KLRG2: variants seen among roughly 807,000 people sequenced by gnomAD.
The protein encoded by KLRG2 is killer cell lectin like receptor G2.
A neutral mutation model predicts 35.4 loss-of-function variants in KLRG2; 39 were observed. The ratio of observed to expected loss-of-function variants is 1.10; its 90% CI spans 0.85 to 1.44. The LOEUF (loss-of-function observed/expected upper bound fraction) is 1.44, where lower values mean the gene tolerates loss of function less well. Among genes scored for constraint, KLRG2 ranks in the 40% most tolerant of loss-of-function variants. The pLI, the probability that KLRG2 is intolerant of heterozygous loss-of-function variation, is 0.00. For missense variants in KLRG2, 632 were observed against 570.9 expected, an observed-to-expected ratio of 1.11 and a Z score of -1.09; for synonymous variants, 283 against 265.8, an observed-to-expected ratio of 1.06 and a Z score of -0.63.
chr7:139,432,690 C>T, the KLRG2 span, among the ~76,000 whole-genome samples: 5 of 152,134 alleles, frequency 3.3e-5, no homozygotes, highest in East Asian at 9.7e-4. Flanking sequence ...GTCTCTCATA[C>T]AAAATGGTGT....
the KLRG2 span, among the ~76,000 whole-genome samples, chr7:139,444,615 T>G: frequency 6.0e-4 from 92 of 152,276 alleles, 1 homozygote; most frequent in South Asian, 0.018. Flanking sequence ...AGAGCAGCCC[T>G]CACCAGGAAT....
At chr7:139,429,051 T>G in the KLRG2 span, among the ~76,000 whole-genome samples, 6 of 152,190 alleles carry the variant, frequency 3.9e-5, no homozygotes, top group Non-Finnish European at 8.8e-5. Flanking sequence ...GCGTGGTGGC[T>G]TACGCCTGTA....
the KLRG2 span, among the ~76,000 whole-genome samples, chr7:139,436,197 C>A: frequency 6.6e-6 from 1 of 152,158 alleles, no homozygotes; most frequent in Admixed American, 6.6e-5. Flanking sequence ...GCCATTGTGC[C>A]TGGCCGGGTC....
At chr7:139,438,728 T>C in the KLRG2 span, among the ~76,000 whole-genome samples, 2 of 149,938 alleles carry the variant, frequency 1.3e-5, no homozygotes, top group Non-Finnish European at 3.0e-5. Flanking sequence ...CAGGCTGGAG[T>C]GCAATGGCGT....
chr7:139,474,880 T>C (rs973937983), intron 3 of KLRG2, among the ~76,000 whole-genome samples: 5 of 152,212 alleles, frequency 3.3e-5, no homozygotes, highest in African/African-American at 1.2e-4. Context: ...GCTCCAGGCC[T>C]CAGATGCAGG....
the KLRG2 span, among the ~76,000 whole-genome samples, chr7:139,431,008 T>G: frequency 2.5e-5 from 3 of 120,524 alleles, no homozygotes; most frequent in Non-Finnish European, 3.2e-5. Context: ...TGAGACCCTG[T>G]CTCAGAAAAA....
At chr7:139,481,963 A>T (rs1217825075) in intron 1 of KLRG2, among the ~76,000 whole-genome samples, 1 of 151,932 alleles carries the variant, frequency 6.6e-6, no homozygotes, top group African/African-American at 2.4e-5. Flanking sequence ...AAAAAGAAAA[A>T]AATTGGCTAT....
chr7:139,460,133 G>C (rs921344621), intron 3 of KLRG2, among the ~76,000 whole-genome samples: 1 of 152,128 alleles, frequency 6.6e-6, no homozygotes, highest in African/African-American at 2.4e-5. Context: ...TGATCTGCCC[G>C]CCTTGGCCCC....
At chr7:139,450,200 G>A (rs1478871561), downstream of KLRG2, among the ~76,000 whole-genome samples, 4 of 151,356 alleles carry the variant, frequency 2.6e-5, no homozygotes, top group Admixed American at 6.6e-5. Flanking sequence ...CCACCACCAC[G>A]CCTGGCTAAT....
At chr7:139,473,878 T>TA (rs1796803975) in intron 3 of KLRG2, among the ~76,000 whole-genome samples, 1 of 151,926 alleles carries the variant, frequency 6.6e-6, no homozygotes, top group Non-Finnish European at 1.5e-5. Context: ...AGCAAAAATG[T>TA]AAATGAAGAA....
At chr7:139,466,645 TC>T (rs1796657876) in intron 3 of KLRG2, among the ~76,000 whole-genome samples, 1 of 152,128 alleles carries the variant, frequency 6.6e-6, no homozygotes, top group African/African-American at 2.4e-5. Flanking sequence ...AGTCACTCTC[TC>T]CTAGCCGTTT....
chr7:139,482,178 T>G (rs962146344), intron 1 of KLRG2, among the ~76,000 whole-genome samples: 11 of 152,070 alleles, frequency 7.2e-5, no homozygotes, highest in Non-Finnish European at 2.9e-5. Context: ...TGTTCCTCAG[T>G]GTGGTGGAAA....
chr7:139,455,174 A>G (rs1407970780), intron 3 of KLRG2, among the ~76,000 whole-genome samples: 2 of 151,742 alleles, frequency 1.3e-5, no homozygotes, highest in East Asian at 3.9e-4. Context: ...ATGCACCACC[A>G]CACCCAGGTA....
At chr7:139,436,502 C>T in the KLRG2 span, among the ~76,000 whole-genome samples, 1 of 152,106 alleles carries the variant, frequency 6.6e-6, no homozygotes, top group Non-Finnish European at 1.5e-5. Context: ...ACTGGCTGTT[C>T]TCTTGAACTG....
intron 3 of KLRG2, among the ~76,000 whole-genome samples, chr7:139,474,687 G>A (rs1022229460): frequency 1.3e-5 from 2 of 152,292 alleles, no homozygotes; most frequent in South Asian, 2.1e-4. Context: ...CTTGAATCCA[G>A]GAGGTGGAGG....
At chr7:139,474,830 C>G (rs115463964) in intron 3 of KLRG2, among the ~76,000 whole-genome samples, 2,668 of 152,230 alleles carry the variant, frequency 0.018, 72 homozygotes, top group African/African-American at 0.061. Flanking sequence ...GCTTATAACT[C>G]CCATAGCCCT....
rs185092631 is a variant in KLRG2 at position 139,452,849 on chromosome 7, C to G, written c.*738G>C. On this transcript the variant is annotated 3_prime_UTR_variant, in exon 5 of 5. Coordinates refer to ENST00000340940, the MANE Select transcript of KLRG2 (RefSeq NM_198508.4). ...CTGATTTCCTTTTTCACTCAGACTC[C>G]TCAGCTTCCACCTACCAAGCTGGGG... 6.5e-6 allele frequency: 1 copy of G among 152,672 alleles called. No homozygotes were observed. Among genetic ancestry groups the G allele is most frequent in the Non-Finnish European group, 1.5e-5 (1 of 68,272 alleles). 9.5% of individuals were successfully genotyped at this position (152,672 alleles called of 1,614,324 possible).
At chr7:139,432,999 G>A in the KLRG2 span, among the ~76,000 whole-genome samples, 2 of 152,018 alleles carry the variant, frequency 1.3e-5, no homozygotes, top group Non-Finnish European at 2.9e-5. Context: ...AATAGTCCCC[G>A]CTTCTCAAGA....
chr7:139,453,881 C>G (rs1174177018), intron 4 of KLRG2, among the ~76,000 whole-genome samples, 174 bp from the exon 5 acceptor site: 1 of 152,174 alleles, frequency 6.6e-6, no homozygotes, highest in Non-Finnish European at 1.5e-5. Context: ...CCCTGGGCAG[C>G]TGACCCCGCA....
Sources: allele counts gnomAD v4.1 joint callset (sites outside exome capture counted in the v4.1 genomes callset), GRCh38; gene constraint gnomAD v4.1.1; transcripts MANE v1.5; gene names NCBI Gene and HGNC (gene_info 2026-07-23, HGNC 2026-07-21).